Variants in FLRT1 observed in about 807,000 individuals in gnomAD.
FLRT1 encodes leucine-rich repeat transmembrane protein FLRT1.
FLRT1 carries 14 observed loss-of-function variants against 30.9 expected under a neutral mutation model. That is an observed-to-expected ratio of 0.45 (90% CI 0.30 to 0.71). FLRT1 has a LOEUF of 0.71. FLRT1 is among the 30% of genes least tolerant of loss of function. FLRT1 has a pLI of 0.08. For missense variants in FLRT1, 737 were observed against 949.2 expected (o/e 0.78, Z 2.94); for synonymous variants, 368 against 430.4 (o/e 0.85, Z 1.80).
At chr11:64,095,816 C>T (rs573715295) in intron 1 of FLRT1, among the ~76,000 whole-genome samples, 1 of 152,310 alleles carries the variant, frequency 6.6e-6, no homozygotes, top group South Asian at 2.1e-4. Flanking sequence ...CCAAGAGGGG[C>T]TCCAAGTCAG....
Position 64,060,076 on chromosome 11 carries a change from A to G in FLRT1, c.-1038+23917A>G, listed in dbSNP as rs553368751. ...TCCCTAAGGGGCAACTAACAGACCA[A>G]TTAAGCTGCCAATAAAAAATTTAAT... On this transcript the variant is annotated intron_variant, in intron 1 of 2. Transcript: ENST00000682287. Among the ~76,000 whole-genome samples the G allele has an allele frequency of 2.3e-3, 354 of 152,366 alleles. 4 individuals carry two copies. The highest frequency in any genetic ancestry group is 6.6e-3 in the African/African-American group (276 of 41,592).
intron 1 of FLRT1, among the ~76,000 whole-genome samples, chr11:64,086,696 A>AG (rs1375190744): frequency 6.6e-6 from 1 of 152,134 alleles, no homozygotes; most frequent in South Asian, 2.1e-4. Flanking sequence ...GAAGACAGAG[A>AG]GGGGGAGAAG....
At chr11:64,068,482 A>G (rs1285412371) in intron 1 of FLRT1, among the ~76,000 whole-genome samples, 1 of 152,216 alleles carries the variant, frequency 6.6e-6, no homozygotes, top group African/African-American at 2.4e-5. Context: ...CACAGATTGG[A>G]GCCCTCCACA....
At chr11:64,072,423 TA>T (rs11354064) in intron 1 of FLRT1, among the ~76,000 whole-genome samples, 18,538 of 146,058 alleles carry the variant, frequency 0.13, 1,463 homozygotes, top group Middle Eastern at 0.21. Context: ...CCGGCTCATT[TA>T]AAAAAAAAAA....
Position 64,067,569 on chromosome 11 carries a change from G to A in FLRT1, c.-1038+31410G>A, listed in dbSNP as rs61489630. On this transcript the variant is annotated intron_variant, in intron 1 of 2. Transcript: ENST00000682287. This position sits in a 1 kb window ranked among gnomAD's most constrained non-coding sequence, Gnocchi z 4.6. The stretch of plus-strand genomic sequence containing the variant: ...GCTCAGGGACCCAAAGCAGGGACCA[G>A]GACCCAGGCTTGTCTCCCTCCTGTC... 2.5e-3 allele frequency among the ~76,000 whole-genome samples: 379 copies of A among 152,152 alleles called. 1 individual carries two copies. Among genetic ancestry groups the A allele is most frequent in the African/African-American group, 8.5e-3 (352 of 41,516 alleles).
At chr11:64,092,155 G>A (rs889188144) in intron 1 of FLRT1, among the ~76,000 whole-genome samples, 4 of 152,196 alleles carry the variant, frequency 2.6e-5, no homozygotes, top group African/African-American at 9.7e-5. Flanking sequence ...GTGGCATCCC[G>A]AGTGGGTGGA....
chr11:64,114,256 G>GTGGATTGATGGATGGA (rs139072150), intron 2 of FLRT1, among the ~76,000 whole-genome samples: 3 of 137,906 alleles, frequency 2.2e-5, no homozygotes, highest in Non-Finnish European at 4.7e-5. Context: ...GGATGGTTAG[G>GTGGATTGATGGATGGA]TGGATGGATG....
chr11:64,079,959 C>G (rs1377342534), intron 1 of FLRT1, among the ~76,000 whole-genome samples: 1 of 152,160 alleles, frequency 6.6e-6, no homozygotes, highest in Non-Finnish European at 1.5e-5. Context: ...GATCAGGCCT[C>G]AGCTGTGTTA....
chr11:64,038,320 C>T (rs1435060230), intron 1 of FLRT1, among the ~76,000 whole-genome samples: 1 of 152,210 alleles, frequency 6.6e-6, no homozygotes, highest in African/African-American at 2.4e-5. Context: ...GGCTTCCTTG[C>T]CTGCGCAGGG....
intron 1 of FLRT1, among the ~76,000 whole-genome samples, chr11:64,097,894 G>A (rs972071140): frequency 2.6e-5 from 4 of 152,180 alleles, no homozygotes; most frequent in African/African-American, 9.7e-5. Context: ...GGCTCTCTTG[G>A]TGGTGCTCCT....
intron 1 of FLRT1, among the ~76,000 whole-genome samples, chr11:64,055,697 A>AGATG (rs1246773288): frequency 3.9e-5 from 6 of 152,158 alleles, no homozygotes; most frequent in East Asian, 3.8e-4. Flanking sequence ...ATGGGTGGAC[A>AGATG]GATGGATGGA....
chr11:64,092,556 G>A (rs1293654940), intron 1 of FLRT1, among the ~76,000 whole-genome samples: 2 of 152,222 alleles, frequency 1.3e-5, no homozygotes, highest in Non-Finnish European at 2.9e-5. Context: ...GTCATGACAC[G>A]TGCCTTCCCA....
intron 1 of FLRT1, among the ~76,000 whole-genome samples, chr11:64,059,091 T>C (rs756039064): frequency 6.6e-5 from 10 of 152,066 alleles, no homozygotes; most frequent in Non-Finnish European, 1.3e-4. Flanking sequence ...GAGGCTCACA[T>C]GGAAATTTGA....
chr11:64,072,198 C>A (rs1159123900), intron 1 of FLRT1, among the ~76,000 whole-genome samples: 1 of 152,100 alleles, frequency 6.6e-6, no homozygotes, highest in East Asian at 1.9e-4. Context: ...GGAGCAGGGT[C>A]TGCTTCATCC....
intron 1 of FLRT1, among the ~76,000 whole-genome samples, chr11:64,085,620 T>G (rs1030816535): frequency 6.6e-6 from 1 of 152,182 alleles, no homozygotes; most frequent in Non-Finnish European, 1.5e-5. Flanking sequence ...GACAGCCTTG[T>G]TCCTCTGCCC....
At chr11:64,084,760 C>G (rs949129248) in intron 1 of FLRT1, among the ~76,000 whole-genome samples, 3 of 152,184 alleles carry the variant, frequency 2.0e-5, no homozygotes, top group African/African-American at 7.2e-5. Flanking sequence ...CTTGGTGACC[C>G]CAGCATTCTC....
At chr11:64,087,643 A>G (rs1301308102) in intron 1 of FLRT1, among the ~76,000 whole-genome samples, 1 of 152,208 alleles carries the variant, frequency 6.6e-6, no homozygotes, top group Admixed American at 6.5e-5. Flanking sequence ...ACCCTGCAGG[A>G]CATGCAGCCA....
intron 1 of FLRT1, among the ~76,000 whole-genome samples, chr11:64,041,548 C>T (rs564583393): frequency 2.8e-4 from 42 of 151,832 alleles, no homozygotes; most frequent in Admixed American, 3.9e-4. Flanking sequence ...TGAGTGGTCG[C>T]AGAGGTGGGG....
chr11:64,048,144 C>G (rs1244723411), intron 1 of FLRT1, among the ~76,000 whole-genome samples: 1 of 152,202 alleles, frequency 6.6e-6, no homozygotes, highest in African/African-American at 2.4e-5. Context: ...GGGGCCCTGC[C>G]CCCACGACAG....
Sources: gnomAD v4.1 joint callset for allele counts (sites outside exome capture counted in the v4.1 genomes callset) on GRCh38, gnomAD v4.1.1 for gene constraint, Gnocchi (gnomAD v3.1) non-coding constraint, MANE v1.5 for transcripts, NCBI Gene and HGNC (gene_info 2026-07-23, HGNC 2026-07-21) for gene names.